Variants in TTC7A observed in about 807,000 individuals in gnomAD.
TTC7A encodes tetratricopeptide repeat domain 7A.
A neutral mutation model predicts 103.7 loss-of-function variants in TTC7A; 110 were observed. The ratio of observed to expected loss-of-function variants is 1.06; its 90% CI spans 0.91 to 1.24. The LOEUF (loss-of-function observed/expected upper bound fraction) is 1.24. Among genes scored for constraint, TTC7A ranks in the 50% most tolerant of loss-of-function variants. The pLI is 0.00. For missense variants in TTC7A, 1,340 were observed against 1,116.3 expected (o/e 1.20, Z -2.86); for synonymous variants, 521 against 467.9 (o/e 1.11, Z -1.47).
Position 47,075,618 on chromosome 2 carries a change from G to C in TTC7A, c.*1695G>C, listed in dbSNP as rs1685155352. On this transcript the variant is annotated 3_prime_UTR_variant, in exon 20 of 20. Transcript: ENST00000319190. The stretch of plus-strand genomic sequence containing the variant: ...TAGCTCCCACACCAGCCTTGAGCCA[G>C]GCCCTGGACAGGAGGGGCTGTTGCA... 2 of 152,304 alleles carry C rather than the reference G, an allele frequency of 1.3e-5. No homozygotes were observed. The highest frequency in any genetic ancestry group is 2.9e-5 in the Non-Finnish European group (2 of 68,080). 9.4% of individuals were successfully genotyped at this position (152,304 alleles called of 1,614,324 possible). A position where few individuals can be genotyped will look rare whatever the true frequency, so the allele number is the denominator to read the frequency against.
intron 14 of TTC7A, among the ~76,000 whole-genome samples, chr2:47,028,448 C>T (rs1680156759): frequency 1.3e-5 from 2 of 152,216 alleles, no homozygotes; most frequent in African/African-American, 2.4e-5. Flanking sequence ...GCACCAGCCC[C>T]TCCTGGGCTC....
intron 17 of TTC7A, among the ~76,000 whole-genome samples, chr2:47,051,116 T>A (rs185259651): frequency 6.6e-6 from 1 of 152,312 alleles, no homozygotes; most frequent in African/African-American, 2.4e-5. Context: ...CAGCCTTGAA[T>A]GGGTACCTTT....
At chr2:47,041,584 C>G (rs1274877898) in intron 15 of TTC7A, among the ~76,000 whole-genome samples, 1 of 152,148 alleles carries the variant, frequency 6.6e-6, no homozygotes, top group African/African-American at 2.4e-5. Flanking sequence ...GAAACTCCAT[C>G]TCTACTAAAA....
Position 47,046,344 on chromosome 2 carries a change from AG to A in TTC7A, c.1834del (p.Val612CysfsTer2), listed in dbSNP as rs757323579. 6.2e-7 allele frequency: 1 copy of A among 1,614,168 alleles called. No homozygotes were observed. The highest frequency in any genetic ancestry group is 8.5e-7 in the Non-Finnish European group (1 of 1,180,016). Reference sequence around the variant, plus strand: ...ATGTTCACCAAGGTGAAGCTGGAGCAGGTGCTGAAAGGCCCAGAGGAAGCCC... The same window carrying A: ...ATGTTCACCAAGGTGAAGCTGGAGCAGTGCTGAAAGGCCCAGAGGAAGCCC... ...NLMFTKVKLE[Q>X]VLKGPEEALV... On this transcript the variant is annotated frameshift_variant, in exon 16 of 20. Coordinates refer to ENST00000319190, the MANE Select transcript of TTC7A (RefSeq NM_020458.4). LOFTEE classifies it high-confidence loss of function.
chr2:47,068,183 A>G (rs1042007375), intron 19 of TTC7A: 1 of 152,106 alleles, frequency 6.6e-6, no homozygotes, highest in African/African-American at 2.4e-5. Flanking sequence ...TTCTGACTTG[A>G]AGGAGGAAGG....
upstream of TTC7A, among the ~76,000 whole-genome samples, chr2:46,936,860 T>A (rs1572660065): frequency 1.0e-5 from 1 of 97,528 alleles, no homozygotes; most frequent in Non-Finnish European, 2.0e-5. Flanking sequence ...GGATTCCAAA[T>A]TTTTTTTTTT....
chr2:47,037,023 C>A (rs756670066), intron 15 of TTC7A, among the ~76,000 whole-genome samples: 5 of 152,182 alleles, frequency 3.3e-5, no homozygotes, highest in Non-Finnish European at 5.9e-5. Flanking sequence ...CCTGCCCCAT[C>A]CTACTGTGCA....
chr2:46,973,611 A>G (rs1673573194), intron 3 of TTC7A, among the ~76,000 whole-genome samples: 1 of 152,198 alleles, frequency 6.6e-6, no homozygotes, highest in Non-Finnish European at 1.5e-5. Context: ...CAAAATTCCC[A>G]GTCGAGGGAC....
chr2:47,070,409 G>T (rs1405195034), intron 19 of TTC7A, among the ~76,000 whole-genome samples: 1 of 152,254 alleles, frequency 6.6e-6, no homozygotes, highest in Non-Finnish European at 1.5e-5. Context: ...ATCTGTGTGT[G>T]TGTGGGTGTC....
chr2:46,941,378 G>T lies in TTC7A; in HGVS notation c.-164G>T. ...GGGAGCTGCTGGTGCTGCTGCTGCT[G>T]CTGCTGCCCACCCTCCGCCGCCCGG... is the stretch of plus-strand genomic sequence containing the variant. On this transcript the variant is annotated 5_prime_UTR_variant, in exon 1 of 20. Transcript: ENST00000319190. This position sits in a 1 kb window ranked among gnomAD's most constrained non-coding sequence, Gnocchi z 4.2. The T allele has an allele frequency of 2.1e-6, 1 of 471,332 alleles. No homozygotes were observed. The allele number at this position is 471,332 out of a possible 1,614,324, so 29.2% of individuals were successfully genotyped here. A position where few individuals can be genotyped will look rare whatever the true frequency, so the allele number is the denominator to read the frequency against.
At chr2:46,986,746 T>C (rs879476411) in intron 5 of TTC7A, among the ~76,000 whole-genome samples, 1 of 152,072 alleles carries the variant, frequency 6.6e-6, no homozygotes, top group Non-Finnish European at 1.5e-5. Context: ...GAGAACAGGG[T>C]GGGGCCAGAT....
At chr2:47,045,160 G>A (rs546494083) in intron 15 of TTC7A, among the ~76,000 whole-genome samples, 4 of 152,226 alleles carry the variant, frequency 2.6e-5, no homozygotes, top group Admixed American at 1.3e-4. Context: ...AGGTGCTGCC[G>A]TCTGGCCCTC....
At chr2:46,948,768 C>T (rs1671152960) in intron 1 of TTC7A, among the ~76,000 whole-genome samples, 1 of 152,120 alleles carries the variant, frequency 6.6e-6, no homozygotes. Context: ...CTAAGGCATG[C>T]AGTTTTGGAC....
intron 11 of TTC7A, among the ~76,000 whole-genome samples, chr2:47,013,943 T>A (rs1678347368): frequency 6.6e-6 from 1 of 152,148 alleles, no homozygotes; most frequent in African/African-American, 2.4e-5. Context: ...GAGAGTGGGC[T>A]CCTGGCAACC....
chr2:47,055,116 C>A (rs538311663), intron 18 of TTC7A, among the ~76,000 whole-genome samples: 2 of 152,140 alleles, frequency 1.3e-5, no homozygotes, highest in Non-Finnish European at 2.9e-5. Context: ...GCCTCCCCCA[C>A]CTGACCCAGG....
At chr2:46,984,736 C>T (rs751620883) in intron 5 of TTC7A, among the ~76,000 whole-genome samples, 2 of 152,180 alleles carry the variant, frequency 1.3e-5, no homozygotes, top group African/African-American at 2.4e-5. Context: ...TCTGGGAAGG[C>T]CAGGTGACCC....
At chr2:46,946,681 C>G (rs1423939946) in intron 1 of TTC7A, among the ~76,000 whole-genome samples, 1 of 152,194 alleles carries the variant, frequency 6.6e-6, no homozygotes, top group African/African-American at 2.4e-5. Flanking sequence ...CTCGGCCTCC[C>G]AAAGTGCTGG....
intron 15 of TTC7A, among the ~76,000 whole-genome samples, chr2:47,033,088 A>G (rs977219493): frequency 6.6e-6 from 1 of 152,160 alleles, no homozygotes; most frequent in African/African-American, 2.4e-5. Flanking sequence ...CACTGAGTCC[A>G]TTACAGGTCA....
At chr2:47,023,793 A>G (rs1024461135) in intron 13 of TTC7A, among the ~76,000 whole-genome samples, 5 of 152,090 alleles carry the variant, frequency 3.3e-5, no homozygotes, top group African/African-American at 9.7e-5. Context: ...ACAGTATCCT[A>G]TGTGTAACAG....
Sources: gnomAD v4.1 joint callset for allele counts (sites outside exome capture counted in the v4.1 genomes callset) on GRCh38, gnomAD v4.1.1 for gene constraint, Gnocchi (gnomAD v3.1) non-coding constraint, MANE v1.5 for transcripts, NCBI Gene and HGNC (gene_info 2026-07-23, HGNC 2026-07-21) for gene names.